Variants in UGT8 observed in about 807,000 individuals in gnomAD.
UGT8 encodes the protein 2-hydroxyacylsphingosine 1-beta-galactosyltransferase.
In UGT8, 12 loss-of-function variants were observed where a neutral mutation model predicts 40.5. That is an observed-to-expected ratio of 0.30 (90% CI 0.19 to 0.48). The LOEUF (loss-of-function observed/expected upper bound fraction) is 0.48. Ranked by LOEUF, UGT8 falls within the 20% of genes least tolerant of loss-of-function variation. The pLI is 0.99. For synonymous variants in UGT8, 224 were observed against 240.4 expected (o/e 0.93, Z 0.63); for missense variants, 513 against 648.7 (o/e 0.79, Z 2.27).
intron 1 of UGT8, among the ~76,000 whole-genome samples, chr4:114,612,813 C>T (rs1001408422): frequency 6.6e-6 from 1 of 152,150 alleles, no homozygotes; most frequent in Non-Finnish European, 1.5e-5. Context: ...CCACAATTTA[C>T]ATTTTAATAG....
chr4:114,617,881 C>T (rs1023947886), intron 1 of UGT8, among the ~76,000 whole-genome samples: 11 of 152,098 alleles, frequency 7.2e-5, no homozygotes, highest in African/African-American at 2.4e-4. Flanking sequence ...GCTCCAGCTC[C>T]AGGGATGTGC....
At chr4:114,601,413 A>T (rs1453921533) in intron 1 of UGT8, among the ~76,000 whole-genome samples, 1 of 152,132 alleles carries the variant, frequency 6.6e-6, no homozygotes, top group East Asian at 1.9e-4. Flanking sequence ...TTTAATTCAT[A>T]CTAGGATTTT....
At chr4:114,614,573 T>C (rs559449895) in intron 1 of UGT8, among the ~76,000 whole-genome samples, 3 of 152,216 alleles carry the variant, frequency 2.0e-5, no homozygotes, top group Non-Finnish European at 4.4e-5. Context: ...CAGGGAACTT[T>C]GGATTAATTT....
intron 5 of UGT8, among the ~76,000 whole-genome samples, chr4:114,675,190 A>G (rs7686242): frequency 0.88 from 134,551 of 152,150 alleles, 61,188 homozygotes; most frequent in East Asian, 1. Context: ...TTAAAAAGTG[A>G]TAGAATGAAG....
At chr4:114,603,539 G>C (rs1730563168) in intron 1 of UGT8, among the ~76,000 whole-genome samples, 1 of 152,078 alleles carries the variant, frequency 6.6e-6, no homozygotes, top group South Asian at 2.1e-4. Flanking sequence ...AGAGGCAAGA[G>C]GAGAGTTAGG....
intron 1 of UGT8, among the ~76,000 whole-genome samples, chr4:114,617,030 A>G (rs1290407057): frequency 1.3e-5 from 2 of 152,170 alleles, no homozygotes; most frequent in East Asian, 3.9e-4. Flanking sequence ...AGGCAGGCAG[A>G]TCACACGGTC....
intron 2 of UGT8, among the ~76,000 whole-genome samples, chr4:114,626,719 A>G (rs1321934809): frequency 1.3e-5 from 2 of 152,158 alleles, no homozygotes; most frequent in South Asian, 4.1e-4. Flanking sequence ...TTGTTTTGCT[A>G]TTTATTAGGT....
At chr4:114,674,051 C>T (rs922104330) in intron 5 of UGT8, among the ~76,000 whole-genome samples, 1 of 152,134 alleles carries the variant, frequency 6.6e-6, no homozygotes, top group Non-Finnish European at 1.5e-5. Flanking sequence ...TGTTCACTGC[C>T]TCTCAATTTT....
chr4:114,603,272 T>C (rs1200763416), intron 1 of UGT8, among the ~76,000 whole-genome samples: 1 of 152,130 alleles, frequency 6.6e-6, no homozygotes, highest in African/African-American at 2.4e-5. Context: ...AGTGAATCAT[T>C]GTATGTGAGT....
rs542571969 is a variant in UGT8, at chr4:114,670,925, C to G, written c.1262+2621C>G. The stretch of plus-strand genomic sequence containing the variant: ...TTATATTTAGAAAACCGCATTGTCT[C>G]AGCCCCAAAATTGAACTGAAAGGAA... On this transcript the variant is annotated intron_variant, in intron 5 of 5. Coordinates refer to ENST00000310836, the MANE Select transcript of UGT8 (RefSeq NM_001128174.3). Among the ~76,000 whole-genome samples, 21 of 152,268 alleles carry G rather than the reference C, an allele frequency of 1.4e-4. No individual in the cohort carries two copies. The Middle Eastern group carries it at 0.017, about 124-fold the overall frequency.
intron 1 of UGT8, among the ~76,000 whole-genome samples, chr4:114,613,285 A>T (rs1474653328): frequency 2.6e-5 from 4 of 152,196 alleles, no homozygotes; most frequent in Admixed American, 2.6e-4. Context: ...TCAACATTTT[A>T]TATATACATT....
At chr4:114,628,730 A>AGC (rs1249542619) in intron 2 of UGT8, among the ~76,000 whole-genome samples, 1 of 100,704 alleles carries the variant, frequency 9.9e-6, no homozygotes, top group Non-Finnish European at 2.3e-5. Context: ...TATTTAAGGA[A>AGC]GCATAGTCTT....
chr4:114,652,706 A>C (rs895266902), intron 2 of UGT8, among the ~76,000 whole-genome samples: 1 of 152,016 alleles, frequency 6.6e-6, no homozygotes, highest in Non-Finnish European at 1.5e-5. Context: ...GGCTGTATAG[A>C]ATATAATGAG....
At chr4:114,627,301 C>T (rs1228038750) in intron 2 of UGT8, among the ~76,000 whole-genome samples, 1 of 149,510 alleles carries the variant, frequency 6.7e-6, no homozygotes, top group Non-Finnish European at 1.5e-5. Flanking sequence ...CTCTGTCACC[C>T]AGGCTGGAGT....
chr4:114,634,096 A>G (rs1338678481), intron 2 of UGT8, among the ~76,000 whole-genome samples: 1 of 152,120 alleles, frequency 6.6e-6, no homozygotes, highest in Non-Finnish European at 1.5e-5. Flanking sequence ...TTCCAAGTAT[A>G]TTTGGGAGGT....
intron 2 of UGT8, among the ~76,000 whole-genome samples, chr4:114,636,908 C>T (rs1732920333): frequency 6.6e-6 from 1 of 152,192 alleles, no homozygotes; most frequent in Non-Finnish European, 1.5e-5. Flanking sequence ...ACCTCAGATA[C>T]ACTTAGCTGC....
chr4:114,653,765 G>A (rs899781858), intron 2 of UGT8, among the ~76,000 whole-genome samples: 1 of 151,850 alleles, frequency 6.6e-6, no homozygotes, highest in Non-Finnish European at 1.5e-5. Context: ...TTTATTTTTA[G>A]GCTCTTTATT....
At chr4:114,664,626 T>C (rs1239215460) in intron 3 of UGT8, among the ~76,000 whole-genome samples, 1 of 152,186 alleles carries the variant, frequency 6.6e-6, no homozygotes, top group Non-Finnish European at 1.5e-5. Flanking sequence ...ACCTGGCCTT[T>C]AAAAACACAA....
At chr4:114,657,046 C>T (rs768893736) in intron 2 of UGT8, among the ~76,000 whole-genome samples, 8 of 151,846 alleles carry the variant, frequency 5.3e-5, no homozygotes, top group Non-Finnish European at 1.0e-4. Flanking sequence ...TCTTTTGTAA[C>T]GTAAGAAAGA....
Sources: allele counts gnomAD v4.1 joint callset (sites outside exome capture counted in the v4.1 genomes callset), GRCh38; gene constraint gnomAD v4.1.1; transcripts MANE v1.5; gene names NCBI Gene and HGNC (gene_info 2026-07-23, HGNC 2026-07-21).